OSBPL6: variants seen among roughly 807,000 people sequenced by gnomAD.
OSBPL6 encodes oxysterol binding protein like 6, also known as oxysterol-binding protein-related protein 6.
A neutral mutation model predicts 125.8 loss-of-function variants in OSBPL6; 49 were observed. The ratio of observed to expected loss-of-function variants is 0.39; its 90% CI spans 0.31 to 0.49. The LOEUF is 0.49. Ranked by LOEUF, OSBPL6 falls within the 20% of genes least tolerant of loss-of-function variation. The probability of loss-of-function intolerance (pLI) is 0.88; values close to 1 mark genes in which losing one functional copy is unlikely to be tolerated. For synonymous variants in OSBPL6, 394 were observed against 391.8 expected, an observed-to-expected ratio of 1.01 and a Z score of -0.07; for missense variants, 986 against 1,135.4, an observed-to-expected ratio of 0.87 and a Z score of 1.89.
intron 21 of OSBPL6, among the ~76,000 whole-genome samples, chr2:178,390,419 A>G (rs1043430930): frequency 6.6e-6 from 1 of 152,228 alleles, no homozygotes; most frequent in Middle Eastern, 3.4e-3. Context: ...CCCACAAACA[A>G]CCACCCTTGG....
chr2:178,351,943 CAT>C (rs1036615522), intron 12 of OSBPL6, among the ~76,000 whole-genome samples: 5 of 152,190 alleles, frequency 3.3e-5, no homozygotes, highest in East Asian at 1.9e-4. Context: ...CTCCATGACA[CAT>C]GTTTGCCTAT....
rs1421341752 is a variant in OSBPL6, at chr2:178,257,720, G to A, written c.-350-27207G>A. Among the ~76,000 whole-genome samples, 3 of 152,030 alleles carry A rather than the reference G, an allele frequency of 2.0e-5. No individual in the cohort carries two copies. The South Asian group carries it at 6.2e-4, about 32-fold the overall frequency. On this transcript the variant is annotated intron_variant, in intron 1 of 24. Coordinates refer to ENST00000190611, the MANE Select transcript of OSBPL6 (RefSeq NM_032523.4). ...GAATAAACTGAGGTTCAGAAAGGTTGTGACTTTCTCAGGGAAACAATAGCT... is the reference window on the plus strand; with the variant it reads ...GAATAAACTGAGGTTCAGAAAGGTTATGACTTTCTCAGGGAAACAATAGCT...
chr2:178,287,492 G>A (rs1447222609), intron 2 of OSBPL6, among the ~76,000 whole-genome samples: 1 of 152,190 alleles, frequency 6.6e-6, no homozygotes, highest in Non-Finnish European at 1.5e-5. Context: ...AACATGCAGA[G>A]TTGAAATCGT....
chr2:178,240,913 C>T (rs1238002508), intron 1 of OSBPL6, among the ~76,000 whole-genome samples: 2 of 152,156 alleles, frequency 1.3e-5, no homozygotes, highest in South Asian at 2.1e-4. Context: ...AATTTTGGCT[C>T]AGTAATCCAT....
intron 1 of OSBPL6, among the ~76,000 whole-genome samples, chr2:178,199,901 T>C (rs2089148130): frequency 6.6e-6 from 1 of 152,222 alleles, no homozygotes; most frequent in Non-Finnish European, 1.5e-5. Context: ...AAAACACATA[T>C]TTGGATAAGG....
intron 15 of OSBPL6, among the ~76,000 whole-genome samples, chr2:178,379,668 T>A (rs1369706028): frequency 6.6e-6 from 1 of 152,158 alleles, no homozygotes; most frequent in Non-Finnish European, 1.5e-5. Context: ...TTCAGAGAAA[T>A]CACCAGAGGA....
chr2:178,208,252 C>T (rs914646726), intron 1 of OSBPL6, among the ~76,000 whole-genome samples: 4 of 148,942 alleles, frequency 2.7e-5, no homozygotes, highest in Non-Finnish European at 4.4e-5. Context: ...TGCCACTGCA[C>T]TCCAGCCTGG....
At chr2:178,207,537 T>A (rs1032612100) in intron 1 of OSBPL6, among the ~76,000 whole-genome samples, 1 of 152,126 alleles carries the variant, frequency 6.6e-6, no homozygotes, top group Non-Finnish European at 1.5e-5. Flanking sequence ...TGAACATAAT[T>A]TTTTAAGGGT....
intron 5 of OSBPL6, among the ~76,000 whole-genome samples, chr2:178,330,729 C>T (rs1331563099): frequency 6.6e-6 from 1 of 152,152 alleles, no homozygotes; most frequent in Non-Finnish European, 1.5e-5. Flanking sequence ...TTGCCAGGAA[C>T]AGAAAAATTC....
chr2:178,212,141 G>A (rs1407427192), intron 1 of OSBPL6, among the ~76,000 whole-genome samples: 2 of 152,144 alleles, frequency 1.3e-5, no homozygotes, highest in Admixed American at 6.5e-5. Context: ...ACTCTAACAA[G>A]GCCGCCTTAC....
Position 178,196,814 on chromosome 2 carries a change from A to T in OSBPL6, c.-351+2140A>T, listed in dbSNP as rs75758995. Among the ~76,000 whole-genome samples, 1,209 of 152,346 alleles carry T rather than the reference A, an allele frequency of 7.9e-3. 25 individuals carry two copies. Among genetic ancestry groups the T allele is most frequent in the East Asian group, 0.076 (393 of 5,190 alleles). The stretch of plus-strand genomic sequence containing the variant: ...GTTGTTTTGCTGCAAAGGTTAGGTC[A>T]TAATTATGATACTTTTTAAAAAGTG... On this transcript the variant is annotated intron_variant, in intron 1 of 24. Transcript: ENST00000190611.
chr2:178,393,122 G>T (rs1695562132), intron 23 of OSBPL6, among the ~76,000 whole-genome samples: 1 of 152,094 alleles, frequency 6.6e-6, no homozygotes, highest in African/African-American at 2.4e-5. Context: ...TTTACCAAAG[G>T]TCTGTAAATT....
rs183772234 is a variant in OSBPL6 at position 178,311,632 on chromosome 2, A to C, written c.102+5346A>C. On this transcript the variant is annotated intron_variant, in intron 3 of 24. Transcript: ENST00000190611. Reference sequence around the variant, plus strand: ...ATGAATGAGAAGTCAGGATGGAGAGAAGATTGGGAGCTCGGCTCCAGAGGT... The same window carrying C: ...ATGAATGAGAAGTCAGGATGGAGAGCAGATTGGGAGCTCGGCTCCAGAGGT... Among the ~76,000 whole-genome samples the C allele has an allele frequency of 1.6e-4, 24 of 152,326 alleles. No homozygotes were observed. In the East Asian group the frequency reaches 4.4e-3, roughly 28 times the overall value.
At chr2:178,390,964 A>T (rs1200480969) in intron 21 of OSBPL6, 109 bp from the exon 22 acceptor site, 1 of 1,375,462 alleles carries the variant, frequency 7.3e-7, no homozygotes, top group Non-Finnish European at 1.0e-6. Flanking sequence ...ATTTCTGAAA[A>T]TGGTTTGAAT....
chr2:178,313,150 C>T (rs1687440691), intron 3 of OSBPL6, among the ~76,000 whole-genome samples: 1 of 152,162 alleles, frequency 6.6e-6, no homozygotes, highest in Admixed American at 6.5e-5. Flanking sequence ...CCTGCCTCAG[C>T]CTCCCAAAGT....
At chr2:178,261,979 T>G (rs1453410635) in intron 1 of OSBPL6, among the ~76,000 whole-genome samples, 1 of 152,196 alleles carries the variant, frequency 6.6e-6, no homozygotes, top group East Asian at 1.9e-4. Context: ...TTTGTCAGAT[T>G]TCTCCTACTG....
rs369009459 is a variant in OSBPL6 at position 178,213,483 on chromosome 2, A to C, written c.-351+18809A>C. ...TGTCTTGTTGATTCTACCGCTAACC[A>C]TGTGTCTCCATCCTCATCACCCTGC... is the stretch of plus-strand genomic sequence containing the variant. On this transcript the variant is annotated intron_variant, in intron 1 of 24. Coordinates refer to ENST00000190611, the MANE Select transcript of OSBPL6 (RefSeq NM_032523.4). 4.0e-5 allele frequency among the ~76,000 whole-genome samples: 6 copies of C among 151,898 alleles called. 1 individual carries two copies. Among genetic ancestry groups the C allele is most frequent in the African/African-American group, 1.4e-4 (6 of 41,418 alleles).
chr2:178,402,849 A>G lies in OSBPL6; in HGVS notation c.*7290A>G, dbSNP rs1361418212. 1 of 152,242 alleles carries G rather than the reference A, an allele frequency of 6.6e-6. No individual in the cohort carries two copies. Among genetic ancestry groups the G allele is most frequent in the Non-Finnish European group, 1.5e-5 (1 of 68,040 alleles). 9.4% of individuals were successfully genotyped at this position (152,242 alleles called of 1,614,324 possible). A position where few individuals can be genotyped will look rare whatever the true frequency, so the allele number is the denominator to read the frequency against. On this transcript the variant is annotated 3_prime_UTR_variant, in exon 25 of 25. Transcript: ENST00000190611. Reference sequence around the variant, plus strand: ...TGAATGTTGTATATGAGAATGTTACATTTGTAACAGCACAGGAAACTCAAT... The same window carrying G: ...TGAATGTTGTATATGAGAATGTTACGTTTGTAACAGCACAGGAAACTCAAT...
chr2:178,270,950 C>G (rs1406804473), intron 1 of OSBPL6, among the ~76,000 whole-genome samples: 1 of 152,098 alleles, frequency 6.6e-6, no homozygotes, highest in East Asian at 1.9e-4. Flanking sequence ...GTAACCTGCC[C>G]AGGGCTTCAA....
Sources: gnomAD v4.1 joint callset for allele counts (sites outside exome capture counted in the v4.1 genomes callset) on GRCh38, gnomAD v4.1.1 for gene constraint, MANE v1.5 for transcripts, NCBI Gene and HGNC (gene_info 2026-07-23, HGNC 2026-07-21) for gene names.